The following DMXL2 variants were observed in gnomAD, a reference collection of about 807,000 sequenced individuals.
DMXL2 encodes dmX-like protein 2.
Under a neutral mutation model 331.1 loss-of-function variants are expected in DMXL2, and 103 were observed. That is an observed-to-expected ratio of 0.31 (90% CI 0.27 to 0.37). The LOEUF (loss-of-function observed/expected upper bound fraction) is 0.37. DMXL2 is among the 10% of genes least tolerant of loss of function. DMXL2 has a pLI of 1.00. For synonymous variants in DMXL2, 1,281 were observed against 1,252.1 expected (o/e 1.02, Z -0.49); for missense variants, 3,171 against 3,642.9 (o/e 0.87, Z 3.33).
chr15:51,540,034 A>G lies in DMXL2; in HGVS notation c.1106-1582T>C, dbSNP rs79276035. 9.5e-3 allele frequency among the ~76,000 whole-genome samples: 1,449 copies of G among 152,350 alleles called. 17 individuals are homozygous for G. The highest frequency in any genetic ancestry group is 0.033 in the African/African-American group (1,379 of 41,578). On this transcript the variant is annotated intron_variant, in intron 9 of 43. Coordinates refer to ENST00000560891, the MANE Select transcript of DMXL2 (RefSeq NM_001378457.1). ...TTGTGATAAAAATGAAATAAATCAT[A>G]TAAAATAGGATTTGTGAATTAGCAA...
At chr15:51,559,783 A>C (rs975426584) in intron 6 of DMXL2, among the ~76,000 whole-genome samples, 7 of 152,152 alleles carry the variant, frequency 4.6e-5, no homozygotes, top group African/African-American at 1.7e-4. Context: ...AAATTTACAA[A>C]AGTTTAAAAG....
At chr15:51,557,246 A>G (rs1338675623) in intron 6 of DMXL2, among the ~76,000 whole-genome samples, 1 of 152,178 alleles carries the variant, frequency 6.6e-6, no homozygotes, top group African/African-American at 2.4e-5. Context: ...TACCAGTAAC[A>G]ATTATTTTTT....
chr15:51,510,069 A>G (rs1252544014), intron 15 of DMXL2, among the ~76,000 whole-genome samples: 3 of 152,224 alleles, frequency 2.0e-5, no homozygotes, highest in African/African-American at 7.2e-5. Context: ...AGATAATAAG[A>G]GCTATTTATG....
chr15:51,484,859 G>A (rs1187733952), intron 23 of DMXL2, among the ~76,000 whole-genome samples: 1 of 152,030 alleles, frequency 6.6e-6, no homozygotes, highest in Non-Finnish European at 1.5e-5. Flanking sequence ...ATGTGAATTT[G>A]AAATTCACCA....
chr15:51,529,185 CGAT>C (rs2047859053), intron 13 of DMXL2, among the ~76,000 whole-genome samples: 1 of 151,916 alleles, frequency 6.6e-6, no homozygotes, highest in Middle Eastern at 3.2e-3. Context: ...AACAACCTAA[CGAT>C]GACTCTTAAA....
chr15:51,463,908 A>T (rs1286043798), intron 32 of DMXL2, among the ~76,000 whole-genome samples: 1 of 152,062 alleles, frequency 6.6e-6, no homozygotes, highest in Non-Finnish European at 1.5e-5. Context: ...TTTTAATAGT[A>T]AAAACTATTA....
intron 39 of DMXL2, 58 bp downstream of exon 39, chr15:51,456,008 C>A: frequency 6.3e-7 from 1 of 1,591,320 alleles, no homozygotes; most frequent in Non-Finnish European, 8.6e-7. Flanking sequence ...TTATCACTTA[C>A]TCCTAAATAT....
chr15:51,547,345 C>A lies in DMXL2; in HGVS notation c.631G>T (p.Asp211Tyr). 6.2e-7 allele frequency: 1 copy of A among 1,612,396 alleles called. No individual in the cohort carries two copies. ...TGTCTCCTTTTTACTTCATGATGAT[C>A]CTGAGGTATAATTGAAGACTTCCAA... is the stretch of plus-strand genomic sequence containing the variant. ...TGWKSSIIPQ[D>Y]HHEVKRRQSS... is the part of the protein sequence containing the mutation. The change falls in exon 7 of 44, where the codon GAT (aspartate) becomes TAT (tyrosine). Residue 211 changes from aspartate to tyrosine, a missense_variant. Transcript: ENST00000560891.
chr15:51,604,116 C>T (rs2053413868), intron 1 of DMXL2, among the ~76,000 whole-genome samples: 1 of 151,882 alleles, frequency 6.6e-6, no homozygotes, highest in South Asian at 2.1e-4. Context: ...AAAACTCAAT[C>T]ACGGCAATCC....
chr15:51,463,493 G>A lies in DMXL2; in HGVS notation c.7812C>T (p.Ser2604=). Reference sequence around the variant, plus strand: ...TGACTGGAAATGCAGAAGAATCCCGGGACCTATTAAAAAAAATTAACATAT... The same window carrying A: ...TGACTGGAAATGCAGAAGAATCCCGAGACCTATTAAAAAAAATTAACATAT... ...MLEPENTPFK[S]RDSSAFPVKR... Residue 2604 remains serine (S), a synonymous_variant, in exon 33 of 44, where the codon TCC becomes TCT. Coordinates refer to ENST00000560891, the MANE Select transcript of DMXL2 (RefSeq NM_001378457.1). The A allele has an allele frequency of 1.3e-6, 2 of 1,560,388 alleles. No homozygotes were observed. The highest frequency in any genetic ancestry group is 2.4e-5 in the South Asian group (2 of 81,860).
intron 6 of DMXL2, among the ~76,000 whole-genome samples, chr15:51,560,651 G>A (rs960180533): frequency 2.0e-5 from 3 of 148,400 alleles, no homozygotes; most frequent in African/African-American, 5.0e-5. Context: ...CCCGGGTGAC[G>A]GATTGAGACT....
In DMXL2 at chr15:51,503,031, T is replaced by C; in HGVS notation, c.2767A>G (p.Lys923Glu). 1 of 1,595,484 alleles carries C rather than the reference T, an allele frequency of 6.3e-7. No individual in the cohort carries two copies. The highest frequency in any genetic ancestry group is 8.6e-7 in the Non-Finnish European group (1 of 1,169,230). Residue 923 changes from lysine (K) to glutamate (E), a missense_variant and splice_region_variant, in exon 17 of 44, where the codon AAA becomes GAA. Transcript: ENST00000560891. ...TCAGAGGAAGCCCCTTCTGAAGCTT[T>C]AGCTTTAAAAATAAATTATAAAATT... is the stretch of plus-strand genomic sequence containing the variant. Reference protein sequence around the residue: ...HLKSVQACLAKASEGASSESL... With the variant: ...HLKSVQACLAEASEGASSESL...
chr15:51,594,435 C>T (rs770212545), intron 1 of DMXL2, among the ~76,000 whole-genome samples: 12 of 152,130 alleles, frequency 7.9e-5, no homozygotes, highest in Non-Finnish European at 1.3e-4. Context: ...AGCTTACCAA[C>T]CAAAAAAATC....
At chr15:51,509,905 C>A (rs1289113520) in intron 15 of DMXL2, among the ~76,000 whole-genome samples, 7 of 152,132 alleles carry the variant, frequency 4.6e-5, no homozygotes, top group Non-Finnish European at 1.0e-4. Flanking sequence ...GTTCAACGTA[C>A]ACAAATCAAT....
chr15:51,568,541 A>G lies in DMXL2; in HGVS notation c.231T>C (p.Gly77=), dbSNP rs142324215. ...AGGGCTCAAATATACAAACAGCATT[A>G]CCATATGAAGCTGCAATCTAAAAAA... ...NQQGRIAASY[G]NAVCIFEPLG... The change falls in exon 3 of 44, where the codon GGT becomes GGC. Residue 77 remains glycine, a synonymous_variant. Coordinates refer to ENST00000560891, the MANE Select transcript of DMXL2 (RefSeq NM_001378457.1). 428 of 1,578,520 alleles carry G rather than the reference A, an allele frequency of 2.7e-4. No homozygotes were observed. Among genetic ancestry groups the G allele is most frequent in the Non-Finnish European group, 3.4e-4 (402 of 1,169,544 alleles).
At chr15:51,525,684 G>C (rs2047630983) in intron 13 of DMXL2, among the ~76,000 whole-genome samples, 1 of 152,128 alleles carries the variant, frequency 6.6e-6, no homozygotes, top group Admixed American at 6.5e-5. Context: ...CTGAAGTCCT[G>C]GTGGCCACAG....
chr15:51,611,777 A>G (rs2053987206), intron 1 of DMXL2, among the ~76,000 whole-genome samples: 1 of 152,140 alleles, frequency 6.6e-6, no homozygotes, highest in Non-Finnish European at 1.5e-5. Flanking sequence ...CTGTCTTACA[A>G]GAGGATTGTA....
At chr15:51,492,610 A>G (rs2042891189) in intron 19 of DMXL2, among the ~76,000 whole-genome samples, 1 of 152,302 alleles carries the variant, frequency 6.6e-6, no homozygotes, top group Admixed American at 6.5e-5. Context: ...CAACAGTTCA[A>G]TTACTGATAA....
At chr15:51,575,465 T>C (rs1056608489) in intron 2 of DMXL2, among the ~76,000 whole-genome samples, 3 of 152,146 alleles carry the variant, frequency 2.0e-5, no homozygotes, top group Non-Finnish European at 4.4e-5. Flanking sequence ...CTATATTTAC[T>C]TGACATGCCA....
Sources: gnomAD v4.1 joint callset for allele counts (sites outside exome capture counted in the v4.1 genomes callset) on GRCh38, gnomAD v4.1.1 for gene constraint, MANE v1.5 for transcripts, NCBI Gene and HGNC (gene_info 2026-07-23, HGNC 2026-07-21) for gene names.